The following CHL1 variants were observed in gnomAD, a reference collection of about 807,000 sequenced individuals.
CHL1 encodes the protein neural cell adhesion molecule L1-like protein.
CHL1 carries 96 observed loss-of-function variants against 141.9 expected under a neutral mutation model. The observed-to-expected ratio is 0.68, with a 90% CI of 0.57 to 0.80. The LOEUF (loss-of-function observed/expected upper bound fraction) is 0.80. CHL1 is among the 30% of genes least tolerant of loss of function. The pLI, the probability that CHL1 is intolerant of heterozygous loss-of-function variation, is 0.00. For synonymous variants in CHL1, 613 were observed against 502.2 expected, an observed-to-expected ratio of 1.22 and a Z score of -2.95; for missense variants, 1,820 against 1,457.2, an observed-to-expected ratio of 1.25 and a Z score of -4.05.
At chr3:242,486 C>CT (rs1379229370) in intron 1 of CHL1, among the ~76,000 whole-genome samples, 12 of 151,202 alleles carry the variant, frequency 7.9e-5, no homozygotes, top group Non-Finnish European at 1.6e-4. Flanking sequence ...GTCCCAGCTA[C>CT]CTGGGAGGCT....
At chr3:234,609 T>C (rs777597020) in intron 1 of CHL1, among the ~76,000 whole-genome samples, 1 of 152,134 alleles carries the variant, frequency 6.6e-6, no homozygotes, top group Admixed American at 6.6e-5. Flanking sequence ...GAAGCCCCCA[T>C]GCTGGTGAGG....
At chr3:197,625 C>T in intron 1 of CHL1, 1 of 331,166 alleles carries the variant, frequency 3.0e-6, no homozygotes, top group Non-Finnish European at 5.8e-6. Context: ...TTCTAGATCC[C>T]AGCCCGGGGG....
chr3:256,385 G>A (rs1694176801), intron 2 of CHL1, among the ~76,000 whole-genome samples: 1 of 152,136 alleles, frequency 6.6e-6, no homozygotes, highest in African/African-American at 2.4e-5. Context: ...ACTTAACACA[G>A]AATAAATATG....
chr3:384,500 C>CATTAAATACATA (rs1559341865), intron 19 of CHL1: 18 of 152,146 alleles, frequency 1.2e-4, no homozygotes, highest in African/African-American at 4.1e-4. Flanking sequence ...CTTTACATAT[C>CATTAAATACATA]TCGGTTAAAT....
chr3:383,401 GTTTAC>G (rs1400944036), intron 18 of CHL1, among the ~76,000 whole-genome samples: 1 of 152,010 alleles, frequency 6.6e-6, no homozygotes, highest in African/African-American at 2.4e-5. Flanking sequence ...AATACATGGT[GTTTAC>G]TTTATTCTTC....
chr3:215,196 G>A (rs532700319), intron 1 of CHL1, among the ~76,000 whole-genome samples: 3 of 152,152 alleles, frequency 2.0e-5, no homozygotes, highest in Non-Finnish European at 4.4e-5. Flanking sequence ...TAAAGAAAAT[G>A]TGGTGTATAT....
At chr3:334,838 A>G (rs1701736682) in intron 5 of CHL1, among the ~76,000 whole-genome samples, 1 of 152,196 alleles carries the variant, frequency 6.6e-6, no homozygotes, top group African/African-American at 2.4e-5. Context: ...AAAATATCAG[A>G]CAGACTGTCA....
intron 2 of CHL1, among the ~76,000 whole-genome samples, chr3:306,710 A>AATAAACAGT (rs2124944942): frequency 6.6e-6 from 1 of 152,334 alleles, no homozygotes; most frequent in African/African-American, 2.4e-5. Flanking sequence ...TAATGCAAAA[A>AATAAACAGT]ATAAACAGTT....
chr3:214,384 G>T (rs1440435240), intron 1 of CHL1, among the ~76,000 whole-genome samples: 1 of 152,114 alleles, frequency 6.6e-6, no homozygotes, highest in Non-Finnish European at 1.5e-5. Context: ...CAAATATTAG[G>T]ATCTGACTAT....
At chr3:219,333 A>G (rs1700620205) in intron 1 of CHL1, among the ~76,000 whole-genome samples, 1 of 152,122 alleles carries the variant, frequency 6.6e-6, no homozygotes, top group Non-Finnish European at 1.5e-5. Flanking sequence ...ATATATTCCC[A>G]AAGGAATATA....
intron 2 of CHL1, among the ~76,000 whole-genome samples, chr3:303,038 A>G (rs2124918127): frequency 6.6e-6 from 1 of 152,138 alleles, no homozygotes; most frequent in South Asian, 2.1e-4. Context: ...GTTTGTCAAA[A>G]ATCAGTTGGT....
intron 1 of CHL1, among the ~76,000 whole-genome samples, chr3:216,415 A>G (rs1201359970): frequency 6.6e-6 from 1 of 152,226 alleles, no homozygotes; most frequent in Non-Finnish European, 1.5e-5. Flanking sequence ...TGTGATCAGG[A>G]GAATTAAAAT....
chr3:346,333 A>G (rs1438723477), intron 9 of CHL1, among the ~76,000 whole-genome samples: 1 of 152,208 alleles, frequency 6.6e-6, no homozygotes, highest in Non-Finnish European at 1.5e-5. Context: ...AGAAGAGGAA[A>G]GTCTCATATT....
At chr3:389,557 G>A in intron 20 of CHL1, 83 bp downstream of exon 20, 1 of 1,037,862 alleles carries the variant, frequency 9.6e-7, no homozygotes, top group South Asian at 1.4e-5. Context: ...AAATATTTGT[G>A]AACAACTACT....
intron 11 of CHL1, among the ~76,000 whole-genome samples, chr3:357,460 T>C (rs13071536): frequency 0.17 from 25,659 of 152,150 alleles, 2,601 homozygotes; most frequent in Middle Eastern, 0.3. Flanking sequence ...ATTCTATTAT[T>C]CTCCATTGGC....
chr3:228,755 T>C (rs1574779554), intron 1 of CHL1, among the ~76,000 whole-genome samples: 1 of 152,168 alleles, frequency 6.6e-6, no homozygotes, highest in Non-Finnish European at 1.5e-5. Flanking sequence ...TGGCATCTTA[T>C]GTAGATTTCT....
Position 254,751 on chromosome 3 carries a change from T to C in CHL1, c.-95+10059T>C, listed in dbSNP as rs143909568. On this transcript the variant is annotated intron_variant, in intron 2 of 27. Transcript: ENST00000256509. ...GTGGAGGTAGCCATGCCTCACATAT[T>C]GGAAAGTGGAAAGGCAAGCTAGCTA... Among the ~76,000 whole-genome samples the C allele has an allele frequency of 8.2e-4, 125 of 152,210 alleles. 1 individual carries two copies. The highest frequency in any genetic ancestry group is 2.7e-3 in the African/African-American group (113 of 41,536).
intron 2 of CHL1, chr3:308,683 T>C (rs533060719): frequency 6.6e-6 from 1 of 151,762 alleles, no homozygotes; most frequent in African/African-American, 2.4e-5. Flanking sequence ...AACACCGTTA[T>C]TAGGTGAGCT....
In CHL1 at chr3:342,195, G is replaced by A. The variant is rs114572209; in HGVS notation, c.679+113G>A. 1,190 of 871,638 alleles carry A rather than the reference G, an allele frequency of 1.4e-3. 20 individuals are homozygous for A. The African/African-American group carries it at 0.018, about 13-fold the overall frequency. The allele number at this position is 871,638 out of a possible 1,614,324, so 54.0% of individuals were successfully genotyped here. The stretch of plus-strand genomic sequence containing the variant: ...GGTTGATATTTTGCACCATTGTGCA[G>A]TTCAACTCTGGAGACTTCTTCCAGA... On this transcript the variant is annotated intron_variant, in intron 7 of 27. Transcript: ENST00000256509.
Sources: allele counts gnomAD v4.1 joint callset (sites outside exome capture counted in the v4.1 genomes callset), GRCh38; gene constraint gnomAD v4.1.1; transcripts MANE v1.5; gene names NCBI Gene and HGNC (gene_info 2026-07-23, HGNC 2026-07-21).